DLGAP2: variants seen among roughly 807,000 people sequenced by gnomAD.
DLGAP2 encodes DLG associated protein 2.
In DLGAP2, 26 loss-of-function variants were observed where a neutral mutation model predicts 100.3. The observed-to-expected ratio is 0.26, with a 90% CI of 0.19 to 0.36. The LOEUF (loss-of-function observed/expected upper bound fraction) is 0.36. DLGAP2 is among the 10% of genes least tolerant of loss of function. DLGAP2 has a pLI of 1.00. For missense variants in DLGAP2, 1,858 were observed against 1,453.2 expected, an observed-to-expected ratio of 1.28 and a Z score of -4.53; for synonymous variants, 886 against 630.1, an observed-to-expected ratio of 1.41 and a Z score of -6.08.
At chr8:1,614,957 C>T (rs1229984876) in intron 6 of DLGAP2, among the ~76,000 whole-genome samples, 1 of 152,230 alleles carries the variant, frequency 6.6e-6, no homozygotes. Flanking sequence ...CGCTCACTCG[C>T]GGCTGCCCAT....
chr8:1,442,957 C>T (rs1230174572), intron 3 of DLGAP2, among the ~76,000 whole-genome samples: 1 of 152,190 alleles, frequency 6.6e-6, no homozygotes. Context: ...TGAAAGCAAG[C>T]AAAACTTATT....
At chr8:1,516,964 G>A (rs924294865) in intron 4 of DLGAP2, among the ~76,000 whole-genome samples, 1 of 152,216 alleles carries the variant, frequency 6.6e-6, no homozygotes, top group African/African-American at 2.4e-5. Context: ...CTCATCCACT[G>A]TCTCAGGCAG....
chr8:1,356,815 G>A (rs115131880), intron 3 of DLGAP2, among the ~76,000 whole-genome samples: 1,691 of 152,316 alleles, frequency 0.011, 39 homozygotes, highest in African/African-American at 0.039. Context: ...TAAGCAAAGG[G>A]CCGTTTGCCA....
At chr8:1,607,473 T>C (rs1796836789) in intron 6 of DLGAP2, among the ~76,000 whole-genome samples, 1 of 152,224 alleles carries the variant, frequency 6.6e-6, no homozygotes, top group Non-Finnish European at 1.5e-5. Flanking sequence ...TATCTTTTCT[T>C]AGAAATACAT....
chr8:1,294,558 G>A (rs1007678050), intron 3 of DLGAP2, among the ~76,000 whole-genome samples: 5 of 152,152 alleles, frequency 3.3e-5, no homozygotes, highest in South Asian at 2.1e-4. Flanking sequence ...ATGGTGTGGC[G>A]TCCCACCTGT....
intron 12 of DLGAP2, among the ~76,000 whole-genome samples, chr8:1,684,012 C>G (rs1161947823): frequency 7.6e-6 from 1 of 130,988 alleles, no homozygotes; most frequent in African/African-American, 2.8e-5. Flanking sequence ...GACGAAGTCT[C>G]ACTCTGACAC....
At chr8:1,432,323 A>G (rs1200943675) in intron 3 of DLGAP2, among the ~76,000 whole-genome samples, 1 of 152,234 alleles carries the variant, frequency 6.6e-6, no homozygotes, top group Non-Finnish European at 1.5e-5. Context: ...AACTGCTTTT[A>G]TATTCAAGAA....
intron 2 of DLGAP2, among the ~76,000 whole-genome samples, chr8:1,084,901 G>C (rs776113940): frequency 6.6e-6 from 1 of 152,142 alleles, no homozygotes; most frequent in Non-Finnish European, 1.5e-5. Flanking sequence ...CCAGAAGTGG[G>C]ACTGCTGGAT....
At chr8:1,196,829 C>T (rs1797762171) in intron 2 of DLGAP2, among the ~76,000 whole-genome samples, 1 of 152,144 alleles carries the variant, frequency 6.6e-6, no homozygotes. Context: ...ATCACACATA[C>T]ACCAGGGTTC....
rs1563164925 is a variant in DLGAP2, at chr8:1,464,333, G to GATGA, written c.107-37033_107-37032insATGA. ...TCCAGGACAACGCCCTTCCAGGACG[G>GATGA]CACCCTTCCAGGACGGCACCCTTCC... On this transcript the variant is annotated intron_variant, in intron 3 of 14. Transcript: ENST00000637795. Among the ~76,000 whole-genome samples the GATGA allele has an allele frequency of 1.7e-3, 64 of 38,568 alleles. 6 individuals carry two copies. Among genetic ancestry groups the GATGA allele is most frequent in the African/African-American group, 7.3e-3 (58 of 7,932 alleles). 25.3% of individuals were successfully genotyped at this position (38,568 alleles called of 152,430 possible).
intron 3 of DLGAP2, among the ~76,000 whole-genome samples, chr8:1,483,712 C>CGTGGGGACCAGGAAGGCAGGTGCAGAAT (rs1799167881): frequency 2.7e-4 from 2 of 7,540 alleles, no homozygotes; most frequent in East Asian, 4.2e-3. Context: ...AGGTGCAGGA[C>CGTGGGGACCAGGAAGGCAGGTGCAGAAT]GTGGGGACCA....
chr8:838,245 A>G (rs947416655), intron 1 of DLGAP2, among the ~76,000 whole-genome samples: 1 of 152,118 alleles, frequency 6.6e-6, no homozygotes, highest in African/African-American at 2.4e-5. Flanking sequence ...TTAAAATGAA[A>G]AGTGGTCAGA....
chr8:1,315,498 C>A (rs28482290), intron 3 of DLGAP2, among the ~76,000 whole-genome samples: 2 of 91,234 alleles, frequency 2.2e-5, no homozygotes, highest in African/African-American at 4.2e-5. Context: ...AAAAATAGAG[C>A]GTGTGCGAGT....
intron 6 of DLGAP2, among the ~76,000 whole-genome samples, chr8:1,577,945 G>A (rs145249292): frequency 6.6e-6 from 1 of 152,320 alleles, no homozygotes; most frequent in East Asian, 1.9e-4. Flanking sequence ...GGCAAGGTGT[G>A]GAAATCTGCA....
At chr8:1,490,634 A>C (rs966553982) in intron 3 of DLGAP2, among the ~76,000 whole-genome samples, 1 of 152,084 alleles carries the variant, frequency 6.6e-6, no homozygotes, top group African/African-American at 2.4e-5. Context: ...TCGGTTAATC[A>C]CTTTTGTTCT....
chr8:1,006,482 G>C (rs879133401), intron 2 of DLGAP2, among the ~76,000 whole-genome samples: 1 of 120,330 alleles, frequency 8.3e-6, no homozygotes, highest in Non-Finnish European at 1.7e-5. Flanking sequence ...TTATCACATC[G>C]GGGACACCGT....
intron 4 of DLGAP2, among the ~76,000 whole-genome samples, chr8:1,508,255 G>A: frequency 1.5e-5 from 2 of 131,944 alleles, no homozygotes; most frequent in Non-Finnish European, 3.3e-5. Context: ...GGCGGTGCCT[G>A]CTCCCGGGCT....
intron 1 of DLGAP2, among the ~76,000 whole-genome samples, chr8:758,257 C>T (rs763030885): frequency 6.6e-6 from 1 of 152,132 alleles, no homozygotes; most frequent in African/African-American, 2.4e-5. Context: ...TTTCTTCTGG[C>T]AAAAACTCGG....
At chr8:1,236,912 C>T (rs1448253640) in intron 2 of DLGAP2, among the ~76,000 whole-genome samples, 1 of 133,076 alleles carries the variant, frequency 7.5e-6, no homozygotes. Flanking sequence ...GTTTAGTTCT[C>T]TCACATGGTG....
Sources: allele counts gnomAD v4.1 joint callset (sites outside exome capture counted in the v4.1 genomes callset), GRCh38; gene constraint gnomAD v4.1.1; transcripts MANE v1.5; gene names NCBI Gene and HGNC (gene_info 2026-07-23, HGNC 2026-07-21).